ATP8A2: variants seen among roughly 807,000 people sequenced by gnomAD.
ATP8A2 encodes the protein ATPase phospholipid transporting 8A2.
A neutral mutation model predicts 165.6 loss-of-function variants in ATP8A2; 100 were observed. The ratio of observed to expected loss-of-function variants is 0.60; its 90% CI spans 0.51 to 0.71. The LOEUF is 0.71. Among genes scored for constraint, ATP8A2 ranks in the 30% least tolerant of loss-of-function variants. The probability of loss-of-function intolerance (pLI) is 0.00; values close to 1 mark genes in which losing one functional copy is unlikely to be tolerated. For synonymous variants in ATP8A2, 543 were observed against 548.8 expected (o/e 0.99, Z 0.15); for missense variants, 1,227 against 1,479.5 (o/e 0.83, Z 2.80).
At chr13:25,583,799 T>G (rs1017368203) in intron 23 of ATP8A2, among the ~76,000 whole-genome samples, 3 of 152,010 alleles carry the variant, frequency 2.0e-5, no homozygotes, top group Non-Finnish European at 4.4e-5. Context: ...CAAACAATTT[T>G]TTAAAAATAA....
At chr13:25,949,989 A>G (rs1258778786) in intron 33 of ATP8A2, among the ~76,000 whole-genome samples, 2 of 152,094 alleles carry the variant, frequency 1.3e-5, no homozygotes, top group Non-Finnish European at 2.9e-5. Context: ...TAGTAGGGAC[A>G]GGGTTTCACC....
chr13:25,566,904 A>G (rs1375334857), intron 16 of ATP8A2, among the ~76,000 whole-genome samples: 1 of 152,040 alleles, frequency 6.6e-6, no homozygotes, highest in East Asian at 1.9e-4. Flanking sequence ...GTAAGGTGCA[A>G]CTCCCTGAGG....
chr13:25,685,300 C>T (rs1388603206), intron 24 of ATP8A2, among the ~76,000 whole-genome samples: 1 of 152,192 alleles, frequency 6.6e-6, no homozygotes, highest in African/African-American at 2.4e-5. Flanking sequence ...AACTGGACTC[C>T]CTGTTTCCCA....
chr13:25,802,733 C>G (rs1243000015), intron 27 of ATP8A2, among the ~76,000 whole-genome samples: 1 of 152,150 alleles, frequency 6.6e-6, no homozygotes, highest in African/African-American at 2.4e-5. Context: ...CAACCTCCCA[C>G]CTAACACGTT....
At chr13:25,782,132 A>G (rs217878) in intron 27 of ATP8A2, among the ~76,000 whole-genome samples, 150,984 of 152,342 alleles carry the variant, frequency 0.99, 74,831 homozygotes, top group Non-Finnish European at 1. Context: ...AATGTGTTTC[A>G]TTTGGGGGAC....
intron 1 of ATP8A2, among the ~76,000 whole-genome samples, chr13:25,432,005 T>C (rs4280098): frequency 0.43 from 65,100 of 152,030 alleles, 14,669 homozygotes; most frequent in East Asian, 0.59. Flanking sequence ...GCCTTTGTGT[T>C]TGGTTTCTTT....
At chr13:25,472,273 A>G (rs1225139452) in intron 2 of ATP8A2, among the ~76,000 whole-genome samples, 1 of 152,030 alleles carries the variant, frequency 6.6e-6, no homozygotes, top group East Asian at 1.9e-4. Flanking sequence ...GCTTGCCTGT[A>G]GTCCCAGCTA....
chr13:25,771,160 A>C (rs1394008485), intron 26 of ATP8A2, among the ~76,000 whole-genome samples: 1 of 152,374 alleles, frequency 6.6e-6, no homozygotes, highest in South Asian at 2.1e-4. Context: ...AGTAGGTAAG[A>C]GAAGGAATCT....
chr13:25,605,776 A>C (rs1180803136), intron 24 of ATP8A2, among the ~76,000 whole-genome samples: 3 of 152,110 alleles, frequency 2.0e-5, no homozygotes, highest in South Asian at 2.1e-4. Context: ...GATTTATTTA[A>C]ACCTTCTCTT....
rs901379001 is a variant in ATP8A2 at position 26,008,609 on chromosome 13, C to A, written c.3378-3922C>A. ...GTTGTAGCTTTCCAGACCTGAGCAG[C>A]TGAACAGGATATAAAAACAAACCTA... On this transcript the variant is annotated intron_variant, in intron 35 of 36. Coordinates refer to ENST00000381655, the MANE Select transcript of ATP8A2 (RefSeq NM_016529.6). 8.9e-4 allele frequency among the ~76,000 whole-genome samples: 135 copies of A among 152,212 alleles called. 2 individuals are homozygous for A. Among genetic ancestry groups the A allele is most frequent in the African/African-American group, 3.2e-3 (131 of 41,520 alleles).
chr13:25,593,001 C>G (rs2040132373), intron 24 of ATP8A2, among the ~76,000 whole-genome samples: 1 of 152,184 alleles, frequency 6.6e-6, no homozygotes, highest in South Asian at 2.1e-4. Context: ...AAAGGACACT[C>G]CATATTTCTG....
At chr13:25,910,574 A>AT (rs5802353) in intron 33 of ATP8A2, among the ~76,000 whole-genome samples, 7 of 151,904 alleles carry the variant, frequency 4.6e-5, no homozygotes, top group Middle Eastern at 3.4e-3. Context: ...AACAGATTGG[A>AT]TTTTTTTTCT....
At chr13:25,931,483 A>G (rs1201605017) in intron 33 of ATP8A2, among the ~76,000 whole-genome samples, 1 of 152,190 alleles carries the variant, frequency 6.6e-6, no homozygotes, top group Non-Finnish European at 1.5e-5. Context: ...AAGATGCCAC[A>G]GAAGTGACTG....
intron 1 of ATP8A2, among the ~76,000 whole-genome samples, chr13:25,432,663 C>A (rs926526754): frequency 1.4e-5 from 2 of 138,912 alleles, no homozygotes; most frequent in Non-Finnish European, 3.2e-5. Flanking sequence ...TTCTTCCTGT[C>A]ATTTTTTTTT....
intron 25 of ATP8A2, among the ~76,000 whole-genome samples, chr13:25,737,403 A>G (rs2043795322): frequency 6.6e-6 from 1 of 152,244 alleles, no homozygotes; most frequent in South Asian, 2.1e-4. Flanking sequence ...GACCAAGAAG[A>G]GTCACCTGTT....
At position 25,372,200 on chromosome 13, in the gene ATP8A2, C is replaced by A. The variant is rs753843554; in HGVS notation, c.-13C>A. 7.0e-7 allele frequency: 1 copy of A among 1,428,342 alleles called. No homozygotes were observed. The highest frequency in any genetic ancestry group is 1.4e-5 in the South Asian group (1 of 70,584). 88.5% of individuals were successfully genotyped at this position (1,428,342 alleles called of 1,614,324 possible). On this transcript the variant is annotated 5_prime_UTR_variant, in exon 1 of 37. Coordinates refer to ENST00000381655, the MANE Select transcript of ATP8A2 (RefSeq NM_016529.6). The surrounding 1 kb of genome is among the most constrained non-coding windows in gnomAD (Gnocchi z 4.8). ...CTCTCGCCCGGGGCCGCCGAGCCCC[C>A]GACACGGGCGAGATGCTGAACGGCG...
intron 25 of ATP8A2, among the ~76,000 whole-genome samples, chr13:25,747,390 T>C (rs2044056873): frequency 1.3e-5 from 2 of 152,256 alleles, no homozygotes; most frequent in South Asian, 2.1e-4. Flanking sequence ...TTTTGTGGTC[T>C]TTCCACATAA....
chr13:25,876,046 A>G (rs1164179054), intron 33 of ATP8A2, among the ~76,000 whole-genome samples: 1 of 152,242 alleles, frequency 6.6e-6, no homozygotes, highest in African/African-American at 2.4e-5. Context: ...AGTCATAAAT[A>G]TAAGCGTGTA....
intron 24 of ATP8A2, among the ~76,000 whole-genome samples, chr13:25,678,792 G>C (rs79664457): frequency 0.011 from 1,601 of 152,274 alleles, 29 homozygotes; most frequent in African/African-American, 0.036. Context: ...CACCTCTAAG[G>C]CTTCCTCATA....
Sources: allele counts gnomAD v4.1 joint callset (sites outside exome capture counted in the v4.1 genomes callset), GRCh38; gene constraint gnomAD v4.1.1; non-coding constraint Gnocchi (gnomAD v3.1); transcripts MANE v1.5; gene names NCBI Gene and HGNC (gene_info 2026-07-23, HGNC 2026-07-21).